ADAM2: variants seen among roughly 807,000 people sequenced by gnomAD.
ADAM2 encodes disintegrin and metalloproteinase domain-containing protein 2.
In ADAM2, 101 loss-of-function variants were observed where a neutral mutation model predicts 99.3. The observed-to-expected ratio is 1.02, with a 90% confidence interval of 0.87 to 1.20. The LOEUF is 1.20. ADAM2 is among the 50% of genes most tolerant of loss of function. ADAM2 has a pLI of 0.00. For missense variants in ADAM2, 948 were observed against 878.7 expected (o/e 1.08, Z -1.00); for synonymous variants, 323 against 287.6 (o/e 1.12, Z -1.25).
At chr8:39,752,053 C>G (rs1322959910) in intron 16 of ADAM2, among the ~76,000 whole-genome samples, 1 of 151,996 alleles carries the variant, frequency 6.6e-6, no homozygotes, top group South Asian at 2.1e-4. Flanking sequence ...GGCTCATACT[C>G]TTTTTTTAAA....
intron 10 of ADAM2, among the ~76,000 whole-genome samples, chr8:39,779,354 A>G (rs1803128349): frequency 6.6e-6 from 1 of 152,008 alleles, no homozygotes; most frequent in South Asian, 2.1e-4. Context: ...CTCCTCTTCT[A>G]TGGACAGCAG....
chr8:39,764,706 T>C (rs1802496047), intron 14 of ADAM2, among the ~76,000 whole-genome samples: 1 of 152,202 alleles, frequency 6.6e-6, no homozygotes, highest in South Asian at 2.1e-4. Context: ...GGTAACAATG[T>C]AACTGGATCT....
chr8:39,799,806 T>C (rs948524660), intron 7 of ADAM2, among the ~76,000 whole-genome samples: 1 of 152,242 alleles, frequency 6.6e-6, no homozygotes, highest in Non-Finnish European at 1.5e-5. Context: ...CTTTGTCTTT[T>C]CTGATCTTTG....
chr8:39,813,282 G>A (rs932581287), intron 6 of ADAM2, among the ~76,000 whole-genome samples: 4 of 152,212 alleles, frequency 2.6e-5, no homozygotes, highest in Admixed American at 6.5e-5. Flanking sequence ...AGGTGCTGGA[G>A]AGGATGTGGA....
At chr8:39,776,680 T>C (rs550480380) in intron 11 of ADAM2, among the ~76,000 whole-genome samples, 9 of 152,218 alleles carry the variant, frequency 5.9e-5, no homozygotes, top group Non-Finnish European at 1.0e-4. Context: ...CAAGGCAAGT[T>C]GAAGGAGACT....
intron 11 of ADAM2, among the ~76,000 whole-genome samples, chr8:39,774,503 A>C (rs1488935365): frequency 3.3e-5 from 5 of 152,032 alleles, no homozygotes; most frequent in Non-Finnish European, 5.9e-5. Context: ...ATTTCTATAT[A>C]CTTGTCACAA....
intron 15 of ADAM2, among the ~76,000 whole-genome samples, chr8:39,758,925 A>G (rs1802251657): frequency 6.6e-6 from 1 of 152,114 alleles, no homozygotes; most frequent in Non-Finnish European, 1.5e-5. Flanking sequence ...TATATAGATA[A>G]GTAAATAAAA....
intron 11 of ADAM2, among the ~76,000 whole-genome samples, chr8:39,775,489 C>T (rs1188659039): frequency 6.6e-6 from 1 of 152,088 alleles, no homozygotes; most frequent in Admixed American, 6.6e-5. Flanking sequence ...AGGTGGAAAA[C>T]CCGATATATT....
chr8:39,809,323 CT>C (rs1420542412), intron 7 of ADAM2, 86 bp downstream of exon 7: 6 of 664,938 alleles, frequency 9.0e-6, no homozygotes, highest in Non-Finnish European at 1.6e-5. Flanking sequence ...ATTATCAATT[CT>C]TTTCTGTTAA....
intron 8 of ADAM2, among the ~76,000 whole-genome samples, chr8:39,788,468 A>T (rs1253300011): frequency 6.6e-6 from 1 of 151,798 alleles, no homozygotes. Flanking sequence ...CCCATACCCC[A>T]TGCTTTATAT....
chr8:39,796,766 T>C (rs1803975961), intron 7 of ADAM2, among the ~76,000 whole-genome samples: 1 of 152,250 alleles, frequency 6.6e-6, no homozygotes, highest in South Asian at 2.1e-4. Flanking sequence ...TCATTGTAGT[T>C]TTGACTTGAA....
At chr8:39,780,215 A>G (rs1381403517) in intron 10 of ADAM2, among the ~76,000 whole-genome samples, 9 of 152,080 alleles carry the variant, frequency 5.9e-5, no homozygotes, top group Non-Finnish European at 1.2e-4. Context: ...CTTATTCACT[A>G]TCACAAGAAC....
intron 6 of ADAM2, among the ~76,000 whole-genome samples, chr8:39,818,503 C>T (rs1383108855): frequency 1.3e-5 from 2 of 151,950 alleles, no homozygotes; most frequent in African/African-American, 2.4e-5. Context: ...TCTTTTCTCC[C>T]TAAGATTGGG....
intron 3 of ADAM2, among the ~76,000 whole-genome samples, chr8:39,826,415 C>T (rs1159596974): frequency 1.3e-5 from 2 of 152,104 alleles, no homozygotes; most frequent in African/African-American, 2.4e-5. Context: ...TGCATCGTTT[C>T]ACACACCATA....
intron 18 of ADAM2, among the ~76,000 whole-genome samples, chr8:39,747,338 A>T (rs1823513525): frequency 6.6e-6 from 1 of 152,118 alleles, no homozygotes; most frequent in Non-Finnish European, 1.5e-5. Context: ...CAAAGGCCAC[A>T]CTCGCAAATC....
intron 7 of ADAM2, among the ~76,000 whole-genome samples, chr8:39,790,514 G>A (rs1381411020): frequency 6.6e-6 from 1 of 151,954 alleles, no homozygotes; most frequent in African/African-American, 2.4e-5. Context: ...TGCTTGGCCT[G>A]TGGTACAGGA....
intron 7 of ADAM2, among the ~76,000 whole-genome samples, chr8:39,791,741 T>G (rs935388019): frequency 5.9e-5 from 9 of 152,050 alleles, no homozygotes; most frequent in Admixed American, 3.3e-4. Flanking sequence ...GGGCTGAAGC[T>G]TTAGAGGTAA....
chr8:39,766,984 A>G lies in ADAM2; in HGVS notation c.1371T>C (p.Tyr457=). Residue 457 remains tyrosine, a synonymous_variant, in exon 14 of 21, where the codon TAT becomes TAC. Coordinates refer to ENST00000265708, the MANE Select transcript of ADAM2 (RefSeq NM_001464.5). ...PSFEECDLPE[Y]CNGSSASCPE... is the part of the protein sequence containing the mutation. ...GGCATGATGCAGATGATCCATTGCA[A>G]TATTCAGGGAGGTCGCATTCTTCAA... 1 of 1,614,212 alleles carries G rather than the reference A, an allele frequency of 6.2e-7. No homozygotes were observed. Among genetic ancestry groups the G allele is most frequent in the Non-Finnish European group, 8.5e-7 (1 of 1,180,030 alleles).
intron 7 of ADAM2, among the ~76,000 whole-genome samples, chr8:39,792,212 G>C (rs1257499098): frequency 6.6e-6 from 1 of 151,158 alleles, no homozygotes; most frequent in African/African-American, 2.4e-5. Context: ...GTATGTTCCT[G>C]GAAGCTGTAA....
Sources: gnomAD v4.1 joint callset for allele counts (sites outside exome capture counted in the v4.1 genomes callset) on GRCh38, gnomAD v4.1.1 for gene constraint, MANE v1.5 for transcripts, NCBI Gene and HGNC (gene_info 2026-07-23, HGNC 2026-07-21) for gene names.